Variants in NBPF14 observed in about 807,000 individuals in gnomAD.
NBPF14 encodes the protein NBPF family member NBPF14.
NBPF14 carries 104 observed loss-of-function variants against 91.2 expected under a neutral mutation model. The ratio of observed to expected loss-of-function variants is 1.14; its 90% confidence interval spans 0.97 to 1.34. The LOEUF is 1.34. Ranked by LOEUF, NBPF14 falls within the 40% of genes most tolerant of loss-of-function variation. The pLI, the probability that NBPF14 is intolerant of heterozygous loss-of-function variation, is 0.00. For missense variants in NBPF14, 908 were observed against 783.0 expected, an observed-to-expected ratio of 1.16 and a Z score of -1.91; for synonymous variants, 294 against 303.8, an observed-to-expected ratio of 0.97 and a Z score of 0.34.
chr1:148,561,409 C>G, exon 35 of NBPF14: 1 of 311,740 alleles, frequency 3.2e-6, no homozygotes, highest in Non-Finnish European at 5.3e-6. Context: ...GTACTCACCT[C>G]CCACGTCAAG....
rs1482739517 is a variant in NBPF14 at position 148,595,047 on chromosome 1, G to C, written c.175+496C>G. ...CTTATAGATAGCACAGGTTCTATTA[G>C]GAGCAGACTCCCCTTGAAGCCCCTC... On this transcript the variant is annotated intron_variant, in intron 2 of 70. Transcript: ENST00000619423. 1.5e-4 allele frequency among the ~76,000 whole-genome samples: 20 copies of C among 137,612 alleles called. 1 individual carries two copies. Among genetic ancestry groups the C allele is most frequent in the African/African-American group, 2.5e-4 (9 of 36,470 alleles). The allele number at this position is 137,612 out of a possible 152,430, so 90.3% of individuals were successfully genotyped here.
chr1:148,574,457 A>G (rs1659473195), intron 18 of NBPF14, among the ~76,000 whole-genome samples: 4 of 55,654 alleles, frequency 7.2e-5, no homozygotes, highest in East Asian at 5.0e-4. Flanking sequence ...ACACACACAC[A>G]CACACACACA....
At position 148,559,983 on chromosome 1, in the gene NBPF14, A is replaced by G. The variant is rs1397350813; in HGVS notation, c.4557-18T>C. On this transcript the variant is annotated intron_variant, in intron 36 of 70. Coordinates refer to ENST00000619423, the Ensembl canonical transcript of NBPF14. The stretch of plus-strand genomic sequence containing the variant: ...TGCTGAGCCTGGAAAAGTGGAAAAA[A>G]GTAAAGAATAAGCCAGGGGGAATCA... The G allele has an allele frequency of 6.7e-6, 8 of 1,192,966 alleles. No individual in the cohort carries two copies. Among genetic ancestry groups the G allele is most frequent in the South Asian group, 1.3e-5 (1 of 77,338 alleles). 73.9% of individuals were successfully genotyped at this position (1,192,966 alleles called of 1,614,324 possible). A position where few individuals can be genotyped will look rare whatever the true frequency, so the allele number is the denominator to read the frequency against.
At chr1:148,591,380 G>C (rs1662450532) in intron 5 of NBPF14, 52 bp downstream of exon 5, 1 of 1,514,268 alleles carries the variant, frequency 6.6e-7, no homozygotes, top group Admixed American at 1.7e-5. Context: ...GTGCCTCCTA[G>C]ACATTTTCAT....
intron 59 of NBPF14, among the ~76,000 whole-genome samples, chr1:148,542,099 A>G (rs1423638090): frequency 2.0e-5 from 2 of 100,760 alleles, no homozygotes; most frequent in Non-Finnish European, 3.5e-5. Context: ...GCAAACAGTT[A>G]CGCCATATTT....
intron 69 of NBPF14, 40 bp downstream of exon 69, chr1:148,534,644 A>G: frequency 1.1e-6 from 1 of 871,094 alleles, no homozygotes; most frequent in East Asian, 2.4e-5. Flanking sequence ...TATCTGGAAG[A>G]CCAGGTGGAG....
chr1:148,587,468 C>A, intron 7 of NBPF14, 65 bp from the exon 8 acceptor site: 1 of 1,473,696 alleles, frequency 6.8e-7, no homozygotes. Context: ...TCATTGCCTA[C>A]AGGACAGGAG....
At chr1:148,533,568 G>A (rs1387277121) in intron 70 of NBPF14, among the ~76,000 whole-genome samples, 1 of 140,898 alleles carries the variant, frequency 7.1e-6, no homozygotes, top group African/African-American at 2.9e-5. Context: ...AGCAAACTGT[G>A]ATCATGAAAA....
intron 69 of NBPF14, among the ~76,000 whole-genome samples, chr1:148,534,472 G>C (rs1207538698): frequency 1.3e-5 from 2 of 151,748 alleles, no homozygotes; most frequent in African/African-American, 2.4e-5. Context: ...CACAGGTATG[G>C]CCTGAGACTA....
chr1:148,579,039 C>G, intron 13 of NBPF14, 35 bp downstream of exon 13: 1 of 578,236 alleles, frequency 1.7e-6, no homozygotes, highest in South Asian at 1.8e-5. Flanking sequence ...GGGCCATGAA[C>G]TGGAGCTTTA....
Position 148,566,315 on chromosome 1 carries a change from C to A in NBPF14, c.3543G>T (p.Arg1181Ser), listed in dbSNP as rs1370737317. 1.3e-5 allele frequency: 10 copies of A among 746,294 alleles called. 1 individual carries two copies. In the African/African-American group the frequency reaches 1.7e-4, roughly 12 times the overall value. 46.2% of individuals were successfully genotyped at this position (746,294 alleles called of 1,614,324 possible). The change falls in exon 29 of 71, where the codon AGG (arginine) becomes AGT (serine). Residue 1181 changes from arginine to serine, a missense_variant and splice_region_variant. Coordinates refer to ENST00000619423, the Ensembl canonical transcript of NBPF14. The stretch of plus-strand genomic sequence containing the variant: ...CTACCTCCAGCAGCTCCCTGCTGAG[C>A]CTGGAAAAGGAGGAAAAGGTAAAGA...
intron 13 of NBPF14, among the ~76,000 whole-genome samples, chr1:148,578,752 G>T (rs1206164853): frequency 6.9e-6 from 1 of 145,502 alleles, no homozygotes; most frequent in Admixed American, 6.9e-5. Flanking sequence ...ATTCAGATGA[G>T]CTGATCTGAC....
At chr1:148,534,741 T>G in exon 69 of NBPF14, 2 of 830,338 alleles carry the variant, frequency 2.4e-6, no homozygotes, top group East Asian at 2.4e-5. Flanking sequence ...ACAGCACTGC[T>G]GTAGGGCTGG....
At chr1:148,580,616 C>A (rs1195464941) in intron 12 of NBPF14, among the ~76,000 whole-genome samples, 110 of 50,998 alleles carry the variant, frequency 2.2e-3, no homozygotes, top group Middle Eastern at 0.011. Context: ...AGATACTCCT[C>A]GAGAAGAGCA....
At chr1:148,566,396 T>A (rs1658287528) in intron 28 of NBPF14, 81 bp from the exon 29 acceptor site, 6 of 657,216 alleles carry the variant, frequency 9.1e-6, no homozygotes, top group Middle Eastern at 4.1e-4. Context: ...ATGGGTAGCA[T>A]AGGGAAGTGG....
chr1:148,593,177 T>G (rs1338327412), intron 3 of NBPF14, among the ~76,000 whole-genome samples: 2 of 145,500 alleles, frequency 1.4e-5, no homozygotes, highest in African/African-American at 5.2e-5. Context: ...ATTGAAAAGA[T>G]GAAAGAAGAA....
At chr1:148,578,926 C>T in intron 13 of NBPF14, 148 bp downstream of exon 13, 1 of 689,464 alleles carries the variant, frequency 1.5e-6, no homozygotes, top group Non-Finnish European at 2.6e-6. Context: ...AGACTTGACT[C>T]CAGAGTGACT....
At chr1:148,592,622 C>T in exon 4 of NBPF14, 1 of 1,580,210 alleles carries the variant, frequency 6.3e-7, no homozygotes, top group Non-Finnish European at 8.7e-7. Context: ...GGAGGTCCTG[C>T]CCCTGGGACT....
intron 68 of NBPF14, among the ~76,000 whole-genome samples, chr1:148,535,141 G>A (rs1156670783): frequency 2.0e-5 from 3 of 148,216 alleles, no homozygotes; most frequent in Middle Eastern, 3.2e-3. Context: ...CTGAGTTAGT[G>A]CCCTCGGGAC....
Sources: gnomAD v4.1 joint callset for allele counts (sites outside exome capture counted in the v4.1 genomes callset) on GRCh38, gnomAD v4.1.1 for gene constraint, MANE v1.5 for transcripts, NCBI Gene and HGNC (gene_info 2026-07-23, HGNC 2026-07-21) for gene names.